The following CNST variants were observed in gnomAD, a reference collection of about 807,000 sequenced individuals.
CNST encodes consortin.
CNST carries 39 observed loss-of-function variants against 72.4 expected under a neutral mutation model. The ratio of observed to expected loss-of-function variants is 0.54; its 90% confidence interval spans 0.42 to 0.70. CNST has a LOEUF of 0.70. Ranked by LOEUF, CNST falls within the 30% of genes least tolerant of loss-of-function variation. The pLI is 0.00. For missense variants in CNST, 871 were observed against 868.5 expected, an observed-to-expected ratio of 1.00 and a Z score of -0.04; for synonymous variants, 332 against 320.1, an observed-to-expected ratio of 1.04 and a Z score of -0.40.
chr1:246,662,883 G>A (rs1022614811), intron 10 of CNST, among the ~76,000 whole-genome samples: 4 of 151,902 alleles, frequency 2.6e-5, no homozygotes, highest in African/African-American at 9.7e-5. Flanking sequence ...GGCTCACATC[G>A]GACAGTACAG....
At chr1:246,643,270 G>A (rs1423770027) in intron 8 of CNST, among the ~76,000 whole-genome samples, 6 of 152,098 alleles carry the variant, frequency 3.9e-5, no homozygotes, top group Admixed American at 2.0e-4. Flanking sequence ...AAACAAGCTA[G>A]GGATATTGCC....
In CNST at chr1:246,667,679, GACGGT is replaced by G. The variant is rs1430729660; in HGVS notation, c.*1777_*1781del. 2.0e-5 allele frequency: 3 copies of G among 152,150 alleles called. No individual in the cohort carries two copies. The highest frequency in any genetic ancestry group is 7.2e-5 in the African/African-American group (3 of 41,434). The allele number at this position is 152,150 out of a possible 1,614,324, so 9.4% of individuals were successfully genotyped here. On this transcript the variant is annotated 3_prime_UTR_variant, in exon 11 of 11. Coordinates refer to ENST00000366513, the MANE Select transcript of CNST (RefSeq NM_152609.3). ...TTGTATGTAAAATATGTAAAATGTTGACGGTACTATATTAAGTGGTTCTATAAAAG... is the reference window on the plus strand; with the variant it reads ...TTGTATGTAAAATATGTAAAATGTTGACTATATTAAGTGGTTCTATAAAAG...
chr1:246,663,185 T>A (rs915317277), intron 10 of CNST, among the ~76,000 whole-genome samples: 2 of 151,162 alleles, frequency 1.3e-5, no homozygotes, highest in African/African-American at 4.9e-5. Context: ...CAAGACCCCA[T>A]CTCTACAAAA....
At chr1:246,665,671 T>A in intron 10 of CNST, 29 bp from the exon 11 acceptor site, 2 of 1,589,806 alleles carry the variant, frequency 1.3e-6, no homozygotes, top group Middle Eastern at 2.2e-4. Flanking sequence ...TCGGTGACAA[T>A]GTAACCTCAC....
Position 246,660,219 on chromosome 1 carries a change from G to A in CNST, c.1857G>A (p.Leu619=), listed in dbSNP as rs751963837. 2.5e-6 allele frequency: 4 copies of A among 1,611,154 alleles called. No homozygotes were observed. The highest frequency in any genetic ancestry group is 3.4e-6 in the Non-Finnish European group (4 of 1,178,904). ...EIAEVVPTEG[L]VSILKKRNDT... ...GACAGGTTGTTCCTACTGAAGGATT[G>A]GTCTCCATATTAAAGAAGAGGAATG... Residue 619 remains leucine (L), a synonymous_variant, in exon 10 of 11, where the codon TTG becomes TTA. Coordinates refer to ENST00000366513, the MANE Select transcript of CNST (RefSeq NM_152609.3).
chr1:246,629,625 G>T (rs1191563102), intron 3 of CNST, among the ~76,000 whole-genome samples: 1 of 152,202 alleles, frequency 6.6e-6, no homozygotes, highest in Non-Finnish European at 1.5e-5. Flanking sequence ...TGAAGAGCCA[G>T]ACATTTTATT....
intron 10 of CNST, among the ~76,000 whole-genome samples, chr1:246,664,600 A>T (rs7515639): frequency 6.6e-6 from 1 of 151,504 alleles, no homozygotes; most frequent in Non-Finnish European, 1.5e-5. Flanking sequence ...CTGATTTTTT[A>T]TATTTTTAGT....
chr1:246,640,222 G>C (rs539643548), intron 6 of CNST, among the ~76,000 whole-genome samples: 18 of 152,264 alleles, frequency 1.2e-4, no homozygotes, highest in African/African-American at 4.3e-4. Context: ...TTCTGATTTT[G>C]ATCTCTTTTT....
rs570068359 is a variant in CNST, at chr1:246,590,107, C to T, written c.-51-1405C>T. ...AAAGAAGGAAGAGGCTTTATTCGGG[C>T]GGGAGCTTTGGCAGACTTGCATCTT... On this transcript the variant is annotated intron_variant, in intron 1 of 10. Transcript: ENST00000366513. Among the ~76,000 whole-genome samples, 8 of 152,218 alleles carry T rather than the reference C, an allele frequency of 5.3e-5. No individual in the cohort carries two copies. The South Asian group carries it at 1.4e-3, about 28-fold the overall frequency.
chr1:246,569,544 G>T (rs1659937740), intron 1 of CNST, among the ~76,000 whole-genome samples: 1 of 152,188 alleles, frequency 6.6e-6, no homozygotes. Flanking sequence ...TATGCAGGAA[G>T]AGAGTTCTAA....
chr1:246,633,294 C>T (rs968998193), intron 4 of CNST, among the ~76,000 whole-genome samples: 22 of 151,000 alleles, frequency 1.5e-4, no homozygotes, highest in African/African-American at 5.4e-4. Context: ...GACAAAAATA[C>T]AAAAAGGAGC....
At chr1:246,623,898 C>CA (rs201954021) in intron 3 of CNST, among the ~76,000 whole-genome samples, 49,959 of 138,582 alleles carry the variant, frequency 0.36, 9,478 homozygotes, top group East Asian at 0.67. Context: ...CTTGTCTCTA[C>CA]AAAAAAAAAA....
At chr1:246,649,901 A>G (rs1385418312) in intron 9 of CNST, among the ~76,000 whole-genome samples, 1 of 150,262 alleles carries the variant, frequency 6.7e-6, no homozygotes, top group Non-Finnish European at 1.5e-5. Context: ...CCTCCTCCCT[A>G]CTCAGCTGTG....
At chr1:246,654,883 A>G (rs571457189) in intron 9 of CNST, among the ~76,000 whole-genome samples, 1 of 152,242 alleles carries the variant, frequency 6.6e-6, no homozygotes, top group Non-Finnish European at 1.5e-5. Flanking sequence ...GAAACTAGGA[A>G]GACAGCGCTG....
intron 3 of CNST, among the ~76,000 whole-genome samples, chr1:246,622,303 G>A (rs1383325146): frequency 6.6e-6 from 1 of 152,212 alleles, no homozygotes; most frequent in African/African-American, 2.4e-5. Context: ...TGCAGAACAG[G>A]AGCAACGGTT....
chr1:246,592,131 G>A (rs905156043), intron 2 of CNST, among the ~76,000 whole-genome samples, 190 bp downstream of exon 2: 8 of 152,064 alleles, frequency 5.3e-5, no homozygotes, highest in South Asian at 2.1e-4. Flanking sequence ...CTGTTCCACC[G>A]TATGGGTGTA....
intron 2 of CNST, chr1:246,607,767 G>A (rs574179082): frequency 2.0e-5 from 3 of 152,348 alleles, no homozygotes; most frequent in Admixed American, 2.0e-4. Flanking sequence ...GGCCTGAGAA[G>A]GGAGGAGTTA....
intron 2 of CNST, among the ~76,000 whole-genome samples, chr1:246,617,167 G>A (rs983827635): frequency 1.3e-5 from 2 of 151,958 alleles, no homozygotes; most frequent in Non-Finnish European, 2.9e-5. Flanking sequence ...AAGACATAGA[G>A]GAAAATTTAA....
At chr1:246,649,156 G>GTTTTTTTT in intron 9 of CNST, among the ~76,000 whole-genome samples, 1 of 73,812 alleles carries the variant, frequency 1.4e-5, no homozygotes, top group Middle Eastern at 7.9e-3. Flanking sequence ...ACAGACTGTT[G>GTTTTTTTT]TTTTGTTTTT....
Sources: gnomAD v4.1 joint callset for allele counts (sites outside exome capture counted in the v4.1 genomes callset) on GRCh38, gnomAD v4.1.1 for gene constraint, MANE v1.5 for transcripts, NCBI Gene and HGNC (gene_info 2026-07-23, HGNC 2026-07-21) for gene names.